TENM2: variants seen among roughly 807,000 people sequenced by gnomAD.
TENM2 encodes teneurin transmembrane protein 2.
In TENM2, 52 loss-of-function variants were observed where a neutral mutation model predicts 245.2. That is an observed-to-expected ratio of 0.21 (90% CI 0.17 to 0.27). TENM2 has a LOEUF of 0.27. TENM2 is among the 10% of genes least tolerant of loss of function. The probability of loss-of-function intolerance (pLI) is 1.00; values close to 1 mark genes in which losing one functional copy is unlikely to be tolerated. For synonymous variants in TENM2, 1,363 were observed against 1,438.9 expected (o/e 0.95, Z 1.19); for missense variants, 3,046 against 3,666.8 (o/e 0.83, Z 4.37).
intron 2 of TENM2, among the ~76,000 whole-genome samples, chr5:167,616,442 A>C (rs536497935): frequency 6.6e-6 from 1 of 152,240 alleles, no homozygotes; most frequent in African/African-American, 2.4e-5. Context: ...GAATGGATTA[A>C]AGGAGCCAAA....
intron 2 of TENM2, among the ~76,000 whole-genome samples, chr5:167,816,622 C>T (rs1767078566): frequency 6.6e-6 from 1 of 152,068 alleles, no homozygotes; most frequent in Non-Finnish European, 1.5e-5. Context: ...ACAACTTCAC[C>T]TCAGCAGTGT....
At chr5:167,805,516 T>G (rs889016407) in intron 2 of TENM2, among the ~76,000 whole-genome samples, 2 of 152,154 alleles carry the variant, frequency 1.3e-5, no homozygotes, top group African/African-American at 4.8e-5. Flanking sequence ...GGAGAGAAAT[T>G]CAGTAGATAC....
chr5:167,363,178 C>T lies in TENM2; in HGVS notation c.227-12020C>T, dbSNP rs74721527. On this transcript the variant is annotated intron_variant, in intron 1 of 28. Coordinates refer to ENST00000518659, the Ensembl canonical transcript of TENM2. ...ATCTGAGCATTGAATTGTTAGCCCA[C>T]AGTAGGTTTTCATTGTGAGCAAAGA... Among the ~76,000 whole-genome samples, 1,012 of 152,222 alleles carry T rather than the reference C, an allele frequency of 6.6e-3. 12 individuals carry two copies. Among genetic ancestry groups the T allele is most frequent in the African/African-American group, 0.023 (973 of 41,542 alleles).
At chr5:167,796,210 T>C (rs1292343926) in intron 2 of TENM2, among the ~76,000 whole-genome samples, 2 of 152,222 alleles carry the variant, frequency 1.3e-5, no homozygotes, top group Non-Finnish European at 2.9e-5. Flanking sequence ...CTTGATCCTC[T>C]TGATATATTC....
chr5:167,870,706 CTA>C (rs147198597), intron 2 of TENM2, among the ~76,000 whole-genome samples: 33,597 of 144,358 alleles, frequency 0.23, 3,952 homozygotes, highest in African/African-American at 0.28. Context: ...AAAGCAAGAT[CTA>C]TATATATATA....
chr5:167,860,089 C>T (rs1383107603), intron 2 of TENM2, among the ~76,000 whole-genome samples: 26 of 54,242 alleles, frequency 4.8e-4, no homozygotes, highest in South Asian at 4.1e-3. Context: ...CCCGGCCAGC[C>T]GCCCCGTCCG....
chr5:167,694,912 A>G (rs72830072), intron 2 of TENM2, among the ~76,000 whole-genome samples: 2,163 of 152,358 alleles, frequency 0.014, 22 homozygotes, highest in South Asian at 0.031. Context: ...CAGCAGGAGC[A>G]AACAGCCACC....
intron 2 of TENM2, among the ~76,000 whole-genome samples, chr5:167,550,536 A>C (rs983430670): frequency 6.6e-6 from 1 of 152,128 alleles, no homozygotes; most frequent in Non-Finnish European, 1.5e-5. Flanking sequence ...CCCCTCCTGC[A>C]TCCAAGAATT....
chr5:167,301,277 A>G (rs1420438210), intron 1 of TENM2, among the ~76,000 whole-genome samples: 2 of 152,202 alleles, frequency 1.3e-5, no homozygotes, highest in African/African-American at 2.4e-5. Flanking sequence ...TCCCACACAG[A>G]TGGGACATGG....
chr5:167,813,982 C>G (rs1299703807), intron 2 of TENM2, among the ~76,000 whole-genome samples: 1 of 152,080 alleles, frequency 6.6e-6, no homozygotes, highest in Admixed American at 6.6e-5. Flanking sequence ...GGTAGCAGTT[C>G]TCATCCCAGC....
At chr5:167,011,964 C>A in the TENM2 span, among the ~76,000 whole-genome samples, 1 of 151,306 alleles carries the variant, frequency 6.6e-6, no homozygotes, top group Admixed American at 6.6e-5. Flanking sequence ...GGTCATGAAA[C>A]CCTTTCAGTT....
Position 167,449,394 on chromosome 5 carries a change from C to T in TENM2, c.502+73921C>T, listed in dbSNP as rs541866701. Reference sequence around the variant, plus strand: ...TGGGATGCTTCCAGGCTCCCATGTGCGGTGGCTCCAGCCCCCTGCAGACAT... The same window carrying T: ...TGGGATGCTTCCAGGCTCCCATGTGTGGTGGCTCCAGCCCCCTGCAGACAT... On this transcript the variant is annotated intron_variant, in intron 2 of 28. Transcript: ENST00000518659. Among the ~76,000 whole-genome samples, 3 of 152,072 alleles carry T rather than the reference C, an allele frequency of 2.0e-5. No homozygotes were observed. The South Asian group carries it at 6.2e-4, about 32-fold the overall frequency.
At chr5:167,359,381 G>A (rs1216281589) in intron 1 of TENM2, among the ~76,000 whole-genome samples, 3 of 152,108 alleles carry the variant, frequency 2.0e-5, no homozygotes, top group Non-Finnish European at 4.4e-5. Context: ...GCTTCCTCAT[G>A]CAGCAGGTAT....
Position 167,989,298 on chromosome 5 carries a change from G to GAGAGAT in TENM2, c.948-3643_948-3642insGATAGA, listed in dbSNP as rs772430462. Among the ~76,000 whole-genome samples, 641 of 147,718 alleles carry GAGAGAT rather than the reference G, an allele frequency of 4.3e-3. 2 individuals carry two copies. Among genetic ancestry groups the GAGAGAT allele is most frequent in the Middle Eastern group, 6.8e-3 (2 of 292 alleles). On this transcript the variant is annotated intron_variant, in intron 4 of 28. Transcript: ENST00000518659. ...AGAGAGAGAGAGAGAGAGAGAGAGAGAGATAGATAGATTTGTGAGTGCACA... is the reference window on the plus strand; with the variant it reads ...AGAGAGAGAGAGAGAGAGAGAGAGAGAGAGATAGATAGATAGATTTGTGAGTGCACA...
At chr5:167,623,849 T>C (rs1334459728) in intron 2 of TENM2, among the ~76,000 whole-genome samples, 1 of 152,164 alleles carries the variant, frequency 6.6e-6, no homozygotes, top group African/African-American at 2.4e-5. Flanking sequence ...ATTTAAAAGT[T>C]AGGTGTTTTT....
At chr5:167,046,822 G>A in the TENM2 span, among the ~76,000 whole-genome samples, 1 of 152,098 alleles carries the variant, frequency 6.6e-6, no homozygotes, top group South Asian at 2.1e-4. Context: ...CCCTGTATGC[G>A]TTAGGTATTT....
intron 2 of TENM2, among the ~76,000 whole-genome samples, chr5:167,698,674 T>G (rs967376021): frequency 7.5e-6 from 1 of 133,020 alleles, no homozygotes; most frequent in Non-Finnish European, 1.5e-5. Flanking sequence ...TTTGTTTTGT[T>G]TTTTGTTTTT....
At chr5:167,729,702 A>C (rs1760282163) in intron 2 of TENM2, among the ~76,000 whole-genome samples, 1 of 152,134 alleles carries the variant, frequency 6.6e-6, no homozygotes, top group Admixed American at 6.5e-5. Context: ...ATTTTTTCCC[A>C]TCTGGTTTTT....
chr5:168,065,808 TG>T, intron 7 of TENM2, among the ~76,000 whole-genome samples: 1 of 148,180 alleles, frequency 6.7e-6, no homozygotes, highest in South Asian at 2.1e-4. Context: ...TCCATTTCAG[TG>T]AAAAAAAAAA....
Sources: allele counts gnomAD v4.1 joint callset (sites outside exome capture counted in the v4.1 genomes callset), GRCh38; gene constraint gnomAD v4.1.1; transcripts MANE v1.5; gene names NCBI Gene and HGNC (gene_info 2026-07-23, HGNC 2026-07-21).